DAB1: variants seen among roughly 807,000 people sequenced by gnomAD.
DAB1 encodes the protein DAB adaptor protein 1.
A neutral mutation model predicts 64.6 loss-of-function variants in DAB1; 15 were observed. The ratio of observed to expected loss-of-function variants is 0.23; its 90% confidence interval spans 0.16 to 0.36. The LOEUF is 0.36. DAB1 is among the 10% of genes least tolerant of loss of function. The pLI is 1.00. For synonymous variants in DAB1, 235 were observed against 251.9 expected, an observed-to-expected ratio of 0.93 and a Z score of 0.64; for missense variants, 596 against 706.7, an observed-to-expected ratio of 0.84 and a Z score of 1.78.
At chr1:57,940,355 T>C (rs1645085606) in intron 5 of DAB1, among the ~76,000 whole-genome samples, 1 of 152,234 alleles carries the variant, frequency 6.6e-6, no homozygotes, top group Non-Finnish European at 1.5e-5. Context: ...TGCATTCGAT[T>C]TGTGAGCAAA....
chr1:58,109,368 G>C (rs1247358750), intron 5 of DAB1, among the ~76,000 whole-genome samples: 3 of 152,176 alleles, frequency 2.0e-5, no homozygotes, highest in African/African-American at 7.2e-5. Context: ...ACAGAAACCA[G>C]CACCAACAGA....
chr1:58,277,799 CTCTG>C (rs1194565202), intron 4 of DAB1, among the ~76,000 whole-genome samples: 1 of 152,196 alleles, frequency 6.6e-6, no homozygotes. Flanking sequence ...ACCCCATAGC[CTCTG>C]TCTGTTTTTC....
chr1:57,275,656 A>G (rs1424473), intron 2 of DAB1, among the ~76,000 whole-genome samples: 67,416 of 151,906 alleles, frequency 0.44, 15,146 homozygotes, highest in Admixed American at 0.58. Context: ...AGGTTAAAAG[A>G]TCTGAACAGC....
At chr1:57,536,260 A>G (rs1644726256) in intron 7 of DAB1, among the ~76,000 whole-genome samples, 1 of 152,226 alleles carries the variant, frequency 6.6e-6, no homozygotes, top group South Asian at 2.1e-4. Flanking sequence ...CAAGCCAGTG[A>G]CAAATCCCTC....
chr1:58,185,151 G>A (rs1424158125), intron 4 of DAB1, among the ~76,000 whole-genome samples: 1 of 152,186 alleles, frequency 6.6e-6, no homozygotes, highest in Non-Finnish European at 1.5e-5. Flanking sequence ...GTTTGATGAG[G>A]ATTTCTACTC....
In DAB1 at chr1:57,062,889, C is replaced by G. The variant is rs141893131; in HGVS notation, c.718G>C (p.Val240Leu). The G allele has an allele frequency of 9.3e-4, 1,497 of 1,613,778 alleles. 1 individual carries two copies. The highest frequency in any genetic ancestry group is 1.1e-3 in the Non-Finnish European group (1,310 of 1,179,764). The part of the protein sequence containing the change: ...GVYDVPKSQP[V>L]SAVTQLELFG... ...TGGAGAGGAGATGTACTTACACTTA[C>G]AGGTTGACTTTTTGGCACATCATAA... Residue 240 changes from valine to leucine, a missense_variant, in exon 9 of 15, where the codon GTA becomes CTA. Coordinates refer to ENST00000371236, the MANE Select transcript of DAB1 (RefSeq NM_001365792.1).
At chr1:57,784,274 G>T (rs554969002) in intron 6 of DAB1, among the ~76,000 whole-genome samples, 2 of 152,196 alleles carry the variant, frequency 1.3e-5, no homozygotes, top group East Asian at 1.9e-4. Context: ...TGCACCTGTG[G>T]TCTCAGCTAC....
At chr1:57,874,564 AT>A (rs1171026410) in intron 1 of DAB1, among the ~76,000 whole-genome samples, 1 of 152,144 alleles carries the variant, frequency 6.6e-6, no homozygotes, top group Non-Finnish European at 1.5e-5. Flanking sequence ...AAGCTGCTAC[AT>A]CACAGCTGTC....
intron 6 of DAB1, among the ~76,000 whole-genome samples, chr1:57,718,609 A>T (rs1647113181): frequency 6.6e-6 from 1 of 152,158 alleles, no homozygotes; most frequent in Non-Finnish European, 1.5e-5. Flanking sequence ...TCACTTGATT[A>T]TCTTGTATCT....
chr1:58,140,696 T>C (rs1448475020), intron 5 of DAB1, among the ~76,000 whole-genome samples: 1 of 152,218 alleles, frequency 6.6e-6, no homozygotes, highest in Non-Finnish European at 1.5e-5. Context: ...TGTTTTGTTC[T>C]GTTTCCCTAA....
chr1:57,964,598 A>C (rs923884022), intron 5 of DAB1, among the ~76,000 whole-genome samples: 1 of 152,200 alleles, frequency 6.6e-6, no homozygotes, highest in South Asian at 2.1e-4. Context: ...TTTCCAGCAT[A>C]GATTTGACAT....
At chr1:57,846,177 T>G (rs935151007) in intron 1 of DAB1, among the ~76,000 whole-genome samples, 1 of 152,060 alleles carries the variant, frequency 6.6e-6, no homozygotes, top group Non-Finnish European at 1.5e-5. Flanking sequence ...AAATTCAATG[T>G]GGCCAGGCAT....
intron 2 of DAB1, among the ~76,000 whole-genome samples, chr1:57,249,238 A>C (rs964448264): frequency 6.6e-6 from 1 of 152,154 alleles, no homozygotes; most frequent in Non-Finnish European, 1.5e-5. Context: ...CACATTTTGC[A>C]CTATGGCAAT....
chr1:57,239,864 G>T (rs1668377022), intron 2 of DAB1, among the ~76,000 whole-genome samples: 1 of 152,096 alleles, frequency 6.6e-6, no homozygotes, highest in Non-Finnish European at 1.5e-5. Context: ...TAATTTATCT[G>T]CCCGTCCAGG....
At chr1:57,883,438 A>G (rs1205528863) in intron 1 of DAB1, among the ~76,000 whole-genome samples, 1 of 152,202 alleles carries the variant, frequency 6.6e-6, no homozygotes, top group African/African-American at 2.4e-5. Flanking sequence ...TGGGCCTGAA[A>G]TAGCCACACG....
At chr1:57,684,988 C>G (rs760680136) in intron 6 of DAB1, among the ~76,000 whole-genome samples, 8 of 150,594 alleles carry the variant, frequency 5.3e-5, no homozygotes, top group Non-Finnish European at 1.0e-4. Flanking sequence ...GAGTCTTGCT[C>G]TGTCACCCAG....
intron 6 of DAB1, among the ~76,000 whole-genome samples, chr1:57,788,229 A>C (rs1269913878): frequency 6.6e-6 from 1 of 152,194 alleles, no homozygotes; most frequent in African/African-American, 2.4e-5. Flanking sequence ...ATTAATATTT[A>C]TAGTAGCTGT....
chr1:57,966,442 C>G lies in DAB1; in HGVS notation n.388-82280G>C, dbSNP rs532594354. ...TGCCACCTGGGGAAGAACTGAGGCA[C>G]CCAGCCAACATCCAGCACCCACCAC... On this transcript the variant is annotated intron_variant and non_coding_transcript_variant, in intron 5 of 20. Transcript: ENST00000485760. 3.5e-4 allele frequency among the ~76,000 whole-genome samples: 54 copies of G among 152,200 alleles called. 1 individual carries two copies. In the South Asian group the frequency reaches 0.011, roughly 31 times the overall value.
intron 4 of DAB1, among the ~76,000 whole-genome samples, chr1:58,225,471 C>T (rs1371933348): frequency 6.6e-6 from 1 of 151,522 alleles, no homozygotes; most frequent in Non-Finnish European, 1.5e-5. Flanking sequence ...GGTATATACC[C>T]AAAGGATTAT....
Sources: gnomAD v4.1 joint callset for allele counts (sites outside exome capture counted in the v4.1 genomes callset) on GRCh38, gnomAD v4.1.1 for gene constraint, MANE v1.5 for transcripts, NCBI Gene and HGNC (gene_info 2026-07-23, HGNC 2026-07-21) for gene names.